SUPT3H: variants seen among roughly 807,000 people sequenced by gnomAD.
SUPT3H encodes SPT3 homolog, SAGA and STAGA complex component.
SUPT3H carries 44 observed loss-of-function variants against 44.3 expected under a neutral mutation model. The ratio of observed to expected loss-of-function variants is 0.99; its 90% CI spans 0.78 to 1.28. The LOEUF (loss-of-function observed/expected upper bound fraction) is 1.28, where lower values mean the gene tolerates loss of function less well. Ranked by LOEUF, SUPT3H falls within the 50% of genes most tolerant of loss-of-function variation. The pLI, the probability that SUPT3H is intolerant of heterozygous loss-of-function variation, is 0.00. For synonymous variants in SUPT3H, 124 were observed against 125.6 expected, an observed-to-expected ratio of 0.99 and a Z score of 0.09; for missense variants, 380 against 387.1, an observed-to-expected ratio of 0.98 and a Z score of 0.15.
intron 10 of SUPT3H, among the ~76,000 whole-genome samples, chr6:44,903,326 C>A (rs9472402): frequency 0.92 from 133,317 of 144,778 alleles, 62,080 homozygotes; most frequent in Non-Finnish European, 0.99. Flanking sequence ...CAAATAGACA[C>A]AATAAAAAAT....
intron 5 of SUPT3H, among the ~76,000 whole-genome samples, chr6:45,008,439 C>G (rs1044746013): frequency 6.6e-6 from 1 of 152,158 alleles, no homozygotes; most frequent in African/African-American, 2.4e-5. Flanking sequence ...ACTGCAGCCT[C>G]TAACTCCTGG....
At chr6:45,301,427 C>T (rs2149926270) in intron 2 of SUPT3H, among the ~76,000 whole-genome samples, 1 of 152,142 alleles carries the variant, frequency 6.6e-6, no homozygotes, top group Middle Eastern at 3.4e-3. Context: ...TTAAGTTTTT[C>T]CCCTTATTCT....
At chr6:45,084,118 G>T (rs187115176) in intron 3 of SUPT3H, among the ~76,000 whole-genome samples, 1 of 151,940 alleles carries the variant, frequency 6.6e-6, no homozygotes, top group Non-Finnish European at 1.5e-5. Flanking sequence ...AAAAGCAAGC[G>T]CAACACAAAA....
At chr6:45,151,607 AGT>A (rs1806980090) in intron 2 of SUPT3H, among the ~76,000 whole-genome samples, 1 of 152,208 alleles carries the variant, frequency 6.6e-6, no homozygotes, top group African/African-American at 2.4e-5. Context: ...ACAAGTTAAA[AGT>A]GTTTAACCTT....
chr6:45,198,336 C>T (rs1180585547), intron 2 of SUPT3H, among the ~76,000 whole-genome samples: 1 of 151,352 alleles, frequency 6.6e-6, no homozygotes, highest in Non-Finnish European at 1.5e-5. Flanking sequence ...ATGTCTACCT[C>T]ATTTGCTATA....
chr6:45,153,570 T>C (rs1401343829), intron 2 of SUPT3H, among the ~76,000 whole-genome samples: 1 of 152,160 alleles, frequency 6.6e-6, no homozygotes, highest in Non-Finnish European at 1.5e-5. Flanking sequence ...TTAACAAAGA[T>C]AGGTCAAAAG....
intron 2 of SUPT3H, among the ~76,000 whole-genome samples, chr6:45,127,855 T>C (rs1802679143): frequency 6.6e-6 from 1 of 152,226 alleles, no homozygotes; most frequent in African/African-American, 2.4e-5. Flanking sequence ...AATTTCTCTG[T>C]AGGCACAGCT....
At chr6:45,369,976 G>A (rs967140597) in intron 1 of SUPT3H, among the ~76,000 whole-genome samples, 1 of 152,104 alleles carries the variant, frequency 6.6e-6, no homozygotes, top group Non-Finnish European at 1.5e-5. Flanking sequence ...GGTAGCAAGA[G>A]GGCAGATCTT....
chr6:45,316,262 A>G (rs1784686883), intron 2 of SUPT3H, among the ~76,000 whole-genome samples: 1 of 152,110 alleles, frequency 6.6e-6, no homozygotes, highest in African/African-American at 2.4e-5. Flanking sequence ...GGTTCTCACA[A>G]ATCTCCACTA....
intron 2 of SUPT3H, among the ~76,000 whole-genome samples, chr6:45,257,899 T>C (rs934213347): frequency 6.6e-6 from 1 of 152,228 alleles, no homozygotes; most frequent in Non-Finnish European, 1.5e-5. Context: ...TTATTATTTT[T>C]GCATTGGTCT....
intron 2 of SUPT3H, among the ~76,000 whole-genome samples, chr6:45,314,213 T>C (rs920597662): frequency 2.6e-5 from 4 of 152,144 alleles, no homozygotes; most frequent in African/African-American, 9.7e-5. Flanking sequence ...CTTGAAAGTA[T>C]TCCCCCTGAG....
chr6:45,208,094 C>A (rs979289887), intron 2 of SUPT3H, among the ~76,000 whole-genome samples: 2 of 152,128 alleles, frequency 1.3e-5, no homozygotes, highest in African/African-American at 2.4e-5. Context: ...AAGTGCTACT[C>A]CAGTGAATAC....
At chr6:45,185,667 C>A (rs999421782) in intron 2 of SUPT3H, among the ~76,000 whole-genome samples, 3 of 152,228 alleles carry the variant, frequency 2.0e-5, no homozygotes, top group African/African-American at 7.2e-5. Context: ...TCTGTTCCCC[C>A]AGTAAAGCCC....
intron 2 of SUPT3H, among the ~76,000 whole-genome samples, chr6:45,285,866 A>G (rs181316405): frequency 6.6e-6 from 1 of 152,304 alleles, no homozygotes; most frequent in African/African-American, 2.4e-5. Context: ...GACAGTAACC[A>G]AAACAGAATG....
intron 3 of SUPT3H, among the ~76,000 whole-genome samples, chr6:45,038,595 CTATCTCAT>C (rs1788040252): frequency 6.6e-6 from 1 of 152,028 alleles, no homozygotes; most frequent in African/African-American, 2.4e-5. Flanking sequence ...GTACAAATAG[CTATCTCAT>C]TATATGTAAA....
chr6:44,893,588 A>G (rs62438018), intron 10 of SUPT3H, among the ~76,000 whole-genome samples: 31,311 of 151,968 alleles, frequency 0.21, 3,928 homozygotes, highest in Non-Finnish European at 0.29. Context: ...TCCATGGTAT[A>G]TATGTGCCAC....
At chr6:45,242,901 G>T (rs1770629091) in intron 2 of SUPT3H, among the ~76,000 whole-genome samples, 1 of 152,006 alleles carries the variant, frequency 6.6e-6, no homozygotes, top group Non-Finnish European at 1.5e-5. Context: ...GCTTTTAAAA[G>T]AGCTATTATA....
At chr6:44,996,290 T>C (rs771649168) in intron 6 of SUPT3H, among the ~76,000 whole-genome samples, 117 of 151,970 alleles carry the variant, frequency 7.7e-4, no homozygotes, top group Non-Finnish European at 1.3e-3. Flanking sequence ...GTAGATACTT[T>C]ATATATTTAT....
intron 2 of SUPT3H, among the ~76,000 whole-genome samples, chr6:45,354,440 CG>C (rs1792710499): frequency 6.6e-6 from 1 of 152,218 alleles, no homozygotes; most frequent in South Asian, 2.1e-4. Context: ...GTGTATGCCT[CG>C]CTTGGAAAGG....
Sources: allele counts gnomAD v4.1 joint callset (sites outside exome capture counted in the v4.1 genomes callset), GRCh38; gene constraint gnomAD v4.1.1; transcripts MANE v1.5; gene names NCBI Gene and HGNC (gene_info 2026-07-23, HGNC 2026-07-21).